Variants in DLL4 observed in about 807,000 individuals in gnomAD.
DLL4 encodes delta-like protein 4.
In DLL4, 7 loss-of-function variants were observed where a neutral mutation model predicts 73.6. The observed-to-expected ratio is 0.10, with a 90% CI of 0.05 to 0.18. The LOEUF (loss-of-function observed/expected upper bound fraction) is 0.18. Ranked by LOEUF, DLL4 falls within the 10% of genes least tolerant of loss-of-function variation. DLL4 has a pLI of 1.00. For synonymous variants in DLL4, 345 were observed against 374.3 expected (o/e 0.92, Z 0.90); for missense variants, 614 against 929.9 (o/e 0.66, Z 4.42).
Position 40,936,538 on chromosome 15 carries a change from C to T in DLL4, c.1551C>T (p.Cys517=), listed in dbSNP as rs990283280. 4 of 1,610,706 alleles carry T rather than the reference C, an allele frequency of 2.5e-6. No individual in the cohort carries two copies. The highest frequency in any genetic ancestry group is 1.7e-4 in the Middle Eastern group (1 of 6,060). The change falls in exon 9 of 11, where the codon TGC becomes TGT. Residue 517 remains cysteine, a synonymous_variant. Transcript: ENST00000249749. Reference sequence around the variant, plus strand: ...CTTATGGCTTTGTGGGCAGCCGCTGCGAGTTCCCCGTGGGCTTGCCGCCCA... The same window carrying T: ...CTTATGGCTTTGTGGGCAGCCGCTGTGAGTTCCCCGTGGGCTTGCCGCCCA... ...NCPYGFVGSR[C]EFPVGLPPSF...
chr15:40,931,478 C>T, intron 3 of DLL4, 25 bp from the exon 4 acceptor site: 1 of 1,598,236 alleles, frequency 6.3e-7, no homozygotes, highest in South Asian at 1.1e-5. Context: ...CGACCCTTCC[C>T]TGACCCGACC....
rs372893200 is a variant in DLL4 at position 40,934,675 on chromosome 15, C to A, written c.978C>A (p.Ser326Arg). The A allele has an allele frequency of 3.1e-6, 5 of 1,613,718 alleles. No individual in the cohort carries two copies. Among genetic ancestry groups the A allele is most frequent in the African/African-American group, 1.3e-5 (1 of 74,914 alleles). The change falls in exon 7 of 11, where the codon AGC (serine) becomes AGA (arginine). Residue 326 changes from serine (S) to arginine (R), a missense_variant. Ser to Arg is a moderately radical substitution (Grantham distance 110). This residue lies in a region of DLL4 where 386 missense variants were observed against 541.3 expected (regional missense o/e 0.71). Coordinates refer to ENST00000249749, the MANE Select transcript of DLL4 (RefSeq NM_019074.4). ...YTGVDCELEL[S>R]ECDSNPCRNG... is the part of the protein sequence containing the mutation. Reference sequence around the variant, plus strand: ...GTGTGGACTGTGAGCTGGAGCTCAGCGAGTGTGACAGCAACCCCTGTCGCA... The same window carrying A: ...GTGTGGACTGTGAGCTGGAGCTCAGAGAGTGTGACAGCAACCCCTGTCGCA...
At chr15:40,933,677 C>T (rs1892802327) in intron 6 of DLL4, among the ~76,000 whole-genome samples, 1 of 152,046 alleles carries the variant, frequency 6.6e-6, no homozygotes, top group African/African-American at 2.4e-5. Context: ...GTGGCCTTGC[C>T]CTCTGCTCTT....
In DLL4 at chr15:40,934,015, C is replaced by CAA. The variant is rs59066863; in HGVS notation, c.851-508_851-507dup. Among the ~76,000 whole-genome samples, 25 of 42,160 alleles carry CAA rather than the reference C, an allele frequency of 5.9e-4. 2 individuals carry two copies. Among genetic ancestry groups the CAA allele is most frequent in the African/African-American group, 7.7e-4 (8 of 10,398 alleles). The allele number at this position is 42,160 out of a possible 152,430, so 27.7% of individuals were successfully genotyped here. The stretch of plus-strand genomic sequence containing the variant: ...TGAGTGACAGAGCAAGACTCCGTCT[C>CAA]AAAAAAAAAAAAAAAAAAAAAAAAA... On this transcript the variant is annotated intron_variant, in intron 6 of 10. Coordinates refer to ENST00000249749, the MANE Select transcript of DLL4 (RefSeq NM_019074.4).
chr15:40,934,706 GGCAGCTGTAAGGTGAGGCCCAGA>G lies in DLL4; in HGVS notation c.1010_1020+12del. 6.2e-7 allele frequency: 1 copy of G among 1,613,740 alleles called. No individual in the cohort carries two copies. Among genetic ancestry groups the G allele is most frequent in the Non-Finnish European group, 8.5e-7 (1 of 1,179,770 alleles). ...TGACAGCAACCCCTGTCGCAATGGAGGCAGCTGTAAGGTGAGGCCCAGACCAGCGCAGGAAGACAGAGGTGTCA... is the reference window on the plus strand; with the variant it reads ...TGACAGCAACCCCTGTCGCAATGGAGCCAGCGCAGGAAGACAGAGGTGTCA... On this transcript the variant is annotated splice_donor_variant and splice_donor_5th_base_variant and coding_sequence_variant and intron_variant, in exon 7 of 11. Transcript: ENST00000249749. LOFTEE classifies it high-confidence loss of function.
chr15:40,935,231 C>A, intron 8 of DLL4, 114 bp downstream of exon 8: 1 of 1,077,570 alleles, frequency 9.3e-7, no homozygotes, highest in Non-Finnish European at 1.3e-6. Context: ...GGCCCCCCAT[C>A]TGCTCTGGAG....
rs757275516 is a variant in DLL4, at chr15:40,932,250, G to A, written c.719+19G>A. On this transcript the variant is annotated intron_variant, in intron 5 of 10. Transcript: ENST00000249749. ...AGTGCCTGTGAGTAGGGGACAGGAA[G>A]TGGTGAGTGGGAGCCCTCCCTTGGC... 1 of 1,614,036 alleles carries A rather than the reference G, an allele frequency of 6.2e-7. No homozygotes were observed. Among genetic ancestry groups the A allele is most frequent in the Non-Finnish European group, 8.5e-7 (1 of 1,179,908 alleles).
At position 40,930,636 on chromosome 15, in the gene DLL4, G is replaced by C; in HGVS notation, c.348G>C (p.Ser116=). The part of the protein sequence containing the change: ...PFNFTWPGTF[S]LIIEAWHAPG... ...ACCCCCTTTCCCAGGGTACCTTCTC[G>C]CTCATCATCGAAGCTTGGCACGCGC... Residue 116 remains serine, a synonymous_variant, in exon 3 of 11, where the codon TCG becomes TCC. Coordinates refer to ENST00000249749, the MANE Select transcript of DLL4 (RefSeq NM_019074.4). The surrounding 1 kb of genome is among the most constrained non-coding windows in gnomAD (Gnocchi z 5.7). The C allele has an allele frequency of 6.2e-7, 1 of 1,613,798 alleles. No homozygotes were observed. The highest frequency in any genetic ancestry group is 8.5e-7 in the Non-Finnish European group (1 of 1,179,884).
intron 6 of DLL4, among the ~76,000 whole-genome samples, chr15:40,933,360 T>A (rs1186281147): frequency 6.6e-6 from 1 of 151,648 alleles, no homozygotes; most frequent in Admixed American, 6.6e-5. Context: ...CTCATTCTCT[T>A]CCCTCTCCAC....
At chr15:40,935,155 C>G in intron 8 of DLL4, 38 bp downstream of exon 8, 1 of 1,578,760 alleles carries the variant, frequency 6.3e-7, no homozygotes, top group Non-Finnish European at 8.6e-7. Flanking sequence ...TGGACTGGCC[C>G]TGGGGCTGAG....
intron 8 of DLL4, among the ~76,000 whole-genome samples, chr15:40,935,635 G>A (rs747456035): frequency 1.9e-4 from 29 of 152,276 alleles, no homozygotes; most frequent in Admixed American, 5.9e-4. Flanking sequence ...GGCAGGCAGC[G>A]CTCAGGAGCT....
At chr15:40,931,839 C>T in intron 4 of DLL4, 73 bp downstream of exon 4, 2 of 1,567,780 alleles carry the variant, frequency 1.3e-6, no homozygotes, top group Non-Finnish European at 8.7e-7. Flanking sequence ...TTCTTGGTCA[C>T]AGCTTGCCTC....
chr15:40,935,410 G>C (rs1436808774), intron 8 of DLL4, among the ~76,000 whole-genome samples: 2 of 152,214 alleles, frequency 1.3e-5, no homozygotes, highest in East Asian at 3.8e-4. Flanking sequence ...AGGAAGTCCT[G>C]AGCTGGAGAG....
rs138390086 is a variant in DLL4 at position 40,931,703 on chromosome 15, G to C, written c.595G>C (p.Val199Leu). The C allele has an allele frequency of 5.1e-5, 82 of 1,613,872 alleles. No homozygotes were observed. The East Asian group carries it at 1.8e-3, about 35-fold the overall frequency. The stretch of plus-strand genomic sequence containing the variant: ...GCGCAATGACCACTTCGGCCACTAT[G>C]TGTGCCAGCCAGATGGCAACTTGTC... ...KKRNDHFGHY[V>L]CQPDGNLSCL... is the part of the protein sequence containing the mutation. The change falls in exon 4 of 11, where the codon GTG becomes CTG. Residue 199 changes from valine (V) to leucine (L), a missense_variant. By Grantham distance (32) the Val-to-Leu change is conservative. Around this residue, in one of 3 missense-constraint regions of DLL4, gnomAD observed 227 missense variants for 370.8 expected, o/e 0.61. Transcript: ENST00000249749.
At chr15:40,935,169 G>A in intron 8 of DLL4, 52 bp downstream of exon 8, 1 of 1,536,758 alleles carries the variant, frequency 6.5e-7, no homozygotes, top group Non-Finnish European at 8.8e-7. Context: ...GGCTGAGAGA[G>A]ACTTCTGGTG....
At chr15:40,935,619 C>T (rs1892831897) in intron 8 of DLL4, among the ~76,000 whole-genome samples, 1 of 152,136 alleles carries the variant, frequency 6.6e-6, no homozygotes, top group Non-Finnish European at 1.5e-5. Context: ...CTCTGTGAGG[C>T]AGGCAGGCAG....
In DLL4 at chr15:40,934,836, C is replaced by T. The variant is rs1040665693; in HGVS notation, c.1021-62C>T. On this transcript the variant is annotated intron_variant, in intron 7 of 10. Transcript: ENST00000249749. ...GCATTGTGGGCAGGTGGAGCCCAGC[C>T]TTCAGTCACACATCCCTGCCCCCCA... is the stretch of plus-strand genomic sequence containing the variant. The T allele has an allele frequency of 4.4e-6, 7 of 1,589,258 alleles. No homozygotes were observed. In the African/African-American group the frequency reaches 5.4e-5, roughly 12 times the overall value.
At chr15:40,931,087 C>G in intron 3 of DLL4, 1 of 366,746 alleles carries the variant, frequency 2.7e-6, no homozygotes, top group South Asian at 4.3e-5. Context: ...AAAAAGAAAA[C>G]CATTACCCAC....
Position 40,929,648 on chromosome 15 carries a change from G to T in DLL4, c.-21G>T. On this transcript the variant is annotated 5_prime_UTR_variant, in exon 1 of 11. Transcript: ENST00000249749. The surrounding 1 kb of genome is among the most constrained non-coding windows in gnomAD (Gnocchi z 7.1). Reference sequence around the variant, plus strand: ...GAGCCAGATTGAGGGCCCGCGGGTGGAGAGAGCGACGCCCGAGGGGATGGC... The same window carrying T: ...GAGCCAGATTGAGGGCCCGCGGGTGTAGAGAGCGACGCCCGAGGGGATGGC... The T allele has an allele frequency of 6.6e-7, 1 of 1,517,012 alleles. No homozygotes were observed. 94.0% of individuals were successfully genotyped at this position (1,517,012 alleles called of 1,614,324 possible). A position where few individuals can be genotyped will look rare whatever the true frequency, so the allele number is the denominator to read the frequency against.
Sources: allele counts gnomAD v4.1 joint callset (sites outside exome capture counted in the v4.1 genomes callset), GRCh38; gene constraint gnomAD v4.1.1; regional missense constraint gnomAD v4.1.1; non-coding constraint Gnocchi (gnomAD v3.1); transcripts MANE v1.5; gene names NCBI Gene and HGNC (gene_info 2026-07-23, HGNC 2026-07-21).